RYR3: variants seen among roughly 807,000 people sequenced by gnomAD.
RYR3 encodes ryanodine receptor 3, also known as brain ryanodine receptor-calcium release channel.
In RYR3, 207 loss-of-function variants were observed where a neutral mutation model predicts 584.3. That is an observed-to-expected ratio of 0.35 (90% CI 0.32 to 0.40). The LOEUF is 0.40. RYR3 is among the 10% of genes least tolerant of loss of function. RYR3 has a pLI of 1.00. For missense variants in RYR3, 5,616 were observed against 6,089.2 expected (o/e 0.92, Z 2.59); for synonymous variants, 2,416 against 2,248.5 (o/e 1.07, Z -2.11).
chr15:33,325,812 C>T (rs1251203844), intron 1 of RYR3, among the ~76,000 whole-genome samples: 1 of 143,204 alleles, frequency 7.0e-6, no homozygotes, highest in Admixed American at 7.3e-5. Flanking sequence ...TCTTTTCTTC[C>T]TGTTGTTGAG....
At chr15:33,366,918 G>A (rs1180523850) in intron 1 of RYR3, among the ~76,000 whole-genome samples, 3 of 152,184 alleles carry the variant, frequency 2.0e-5, no homozygotes, top group Non-Finnish European at 1.5e-5. Context: ...ATACCACACA[G>A]GAGGAAAAGA....
intron 1 of RYR3, among the ~76,000 whole-genome samples, chr15:33,427,397 C>T (rs928182847): frequency 6.6e-6 from 1 of 151,988 alleles, no homozygotes; most frequent in East Asian, 1.9e-4. Context: ...TCATGTGAGC[C>T]CAGGAGTTTT....
chr15:33,591,235 G>A (rs1294475416), intron 16 of RYR3, among the ~76,000 whole-genome samples: 10 of 152,160 alleles, frequency 6.6e-5, no homozygotes, highest in Admixed American at 5.9e-4. Context: ...CTTCCTCCAT[G>A]AATCTTTTTC....
At chr15:33,738,348 T>G (rs2069713155) in intron 49 of RYR3, 102 bp from the exon 50 acceptor site, 7 of 1,205,654 alleles carry the variant, frequency 5.8e-6, no homozygotes, top group Non-Finnish European at 8.1e-6. Context: ...TGTTTCATTC[T>G]CATGGTCTCT....
At chr15:33,667,553 C>T (rs1008213312) in intron 36 of RYR3, among the ~76,000 whole-genome samples, 4 of 152,038 alleles carry the variant, frequency 2.6e-5, no homozygotes, top group African/African-American at 9.7e-5. Context: ...AGATATAAGA[C>T]CTGCCACTAG....
At chr15:33,794,213 TTATATATAAA>T (rs1302213856) in intron 67 of RYR3, among the ~76,000 whole-genome samples, 2,401 of 86,776 alleles carry the variant, frequency 0.028, 101 homozygotes, top group African/African-American at 0.075. Context: ...CAAATATACA[TTATATATAAA>T]TATATATAAA....
chr15:33,355,010 C>T (rs1008705012), intron 1 of RYR3, among the ~76,000 whole-genome samples: 8 of 151,950 alleles, frequency 5.3e-5, no homozygotes, highest in African/African-American at 1.7e-4. Flanking sequence ...ATGGTGAAAC[C>T]CCGTCTCTAC....
At chr15:33,621,370 T>C (rs1470267560) in intron 19 of RYR3, among the ~76,000 whole-genome samples, 1 of 152,228 alleles carries the variant, frequency 6.6e-6, no homozygotes, top group Admixed American at 6.5e-5. Context: ...ACTAATTCTT[T>C]GCCCAGAAAG....
chr15:33,442,014 A>G (rs1300643713), intron 1 of RYR3, among the ~76,000 whole-genome samples: 3 of 152,216 alleles, frequency 2.0e-5, no homozygotes, highest in African/African-American at 4.8e-5. Flanking sequence ...CATTTTGTCT[A>G]CTGCTCAGCT....
intron 18 of RYR3, among the ~76,000 whole-genome samples, chr15:33,609,696 A>G (rs1008897941): frequency 7.2e-5 from 11 of 152,320 alleles, no homozygotes; most frequent in African/African-American, 2.6e-4. Context: ...CCAGAAGTTA[A>G]ACTAATGAAA....
At chr15:33,494,780 A>G (rs887419797) in intron 2 of RYR3, among the ~76,000 whole-genome samples, 10 of 152,336 alleles carry the variant, frequency 6.6e-5, no homozygotes, top group African/African-American at 2.4e-4. Context: ...AATAGCTTCT[A>G]TAGTTTTCTT....
intron 1 of RYR3, among the ~76,000 whole-genome samples, chr15:33,370,442 T>C (rs1309025415): frequency 6.6e-6 from 1 of 152,218 alleles, no homozygotes; most frequent in Admixed American, 6.5e-5. Context: ...TACAGCCAGA[T>C]GTGCTAAGAA....
In RYR3 at chr15:33,818,663, G is replaced by T. The variant is rs780080294; in HGVS notation, c.10685G>T (p.Arg3562Leu). Residue 3562 changes from arginine (R) to leucine (L), a missense_variant, in exon 76 of 104, where the codon CGC becomes CTC. By Grantham distance (102) the Arg-to-Leu change is moderately radical. This residue lies in a region of RYR3 where 954 missense variants were observed against 1,132.2 expected (regional missense o/e 0.84). Coordinates refer to ENST00000634891, the MANE Select transcript of RYR3 (RefSeq NM_001036.6). The stretch of plus-strand genomic sequence containing the variant: ...CATCAGATCATTCTCTATTTTAGCC[G>T]CAACGCTCTCACGGAGAGGAGGTCA... ...PLHQIILYFS[R>L]NALTERSKLE... 6.2e-7 allele frequency: 1 copy of T among 1,613,554 alleles called. No homozygotes were observed. Among genetic ancestry groups the T allele is most frequent in the Admixed American group, 1.7e-5 (1 of 60,004 alleles).
intron 27 of RYR3, among the ~76,000 whole-genome samples, chr15:33,641,039 G>T (rs1348616643): frequency 6.6e-6 from 1 of 152,188 alleles, no homozygotes; most frequent in Non-Finnish European, 1.5e-5. Context: ...GCTGTGTACA[G>T]GTAGCCCTTT....
intron 68 of RYR3, 73 bp from the exon 69 acceptor site, chr15:33,801,796 G>A (rs1461341447): frequency 2.6e-6 from 2 of 767,776 alleles, no homozygotes; most frequent in Non-Finnish European, 4.4e-6. Context: ...CGTTACTTGG[G>A]GAGCTTAGAA....
At chr15:33,508,299 A>G (rs2052648917) in intron 3 of RYR3, among the ~76,000 whole-genome samples, 1 of 152,172 alleles carries the variant, frequency 6.6e-6, no homozygotes, top group African/African-American at 2.4e-5. Flanking sequence ...AACACGTAAG[A>G]TTATGCCTGA....
At chr15:33,548,714 C>G (rs2056440091) in intron 9 of RYR3, among the ~76,000 whole-genome samples, 1 of 152,220 alleles carries the variant, frequency 6.6e-6, no homozygotes, top group South Asian at 2.1e-4. Flanking sequence ...GTGGAAGGAA[C>G]AGGAGGCTGA....
intron 1 of RYR3, among the ~76,000 whole-genome samples, chr15:33,315,096 G>A (rs1229720163): frequency 2.0e-5 from 3 of 152,234 alleles, no homozygotes; most frequent in Admixed American, 6.5e-5. Flanking sequence ...CTCGAGGGAT[G>A]AGAAAAGGCA....
chr15:33,736,182 T>C (rs1027591450), intron 48 of RYR3, 53 bp from the exon 49 acceptor site: 8 of 1,190,362 alleles, frequency 6.7e-6, no homozygotes, highest in Admixed American at 3.8e-5. Flanking sequence ...TCATTCCTCC[T>C]TTATTATTAT....
Sources: gnomAD v4.1 joint callset for allele counts (sites outside exome capture counted in the v4.1 genomes callset) on GRCh38, gnomAD v4.1.1 for gene constraint, gnomAD v4.1.1 regional missense constraint, MANE v1.5 for transcripts, NCBI Gene and HGNC (gene_info 2026-07-23, HGNC 2026-07-21) for gene names.